Variants in CC2D1B observed in about 807,000 individuals in gnomAD.
CC2D1B encodes coiled-coil and C2 domain-containing protein 1B.
CC2D1B carries 92 observed loss-of-function variants against 110.8 expected under a neutral mutation model. The observed-to-expected ratio is 0.83, with a 90% CI of 0.70 to 0.99. The LOEUF is 0.99. Ranked by LOEUF, CC2D1B falls within the 50% of genes least tolerant of loss-of-function variation. The pLI is 0.00. For missense variants in CC2D1B, 1,136 were observed against 1,089.0 expected, an observed-to-expected ratio of 1.04 and a Z score of -0.61; for synonymous variants, 406 against 429.2, an observed-to-expected ratio of 0.95 and a Z score of 0.67.
At chr1:52,353,804 T>G (rs1569820995) in intron 23 of CC2D1B, 157 bp from the exon 24 acceptor site, 2 of 574,770 alleles carry the variant, frequency 3.5e-6, no homozygotes, top group East Asian at 3.0e-5. Context: ...TCCCAGTATT[T>G]GGAGGAGGAG....
Position 52,355,450 on chromosome 1 carries a change from C to G in CC2D1B, c.2188-1G>C. The G allele has an allele frequency of 6.2e-7, 1 of 1,614,150 alleles. No homozygotes were observed. The highest frequency in any genetic ancestry group is 1.1e-5 in the South Asian group (1 of 91,080). ...CTGTTTTGCTTTTTTGAGCCTGGTC[C>G]TAAGCAGTGAGGAGGGAGAAGTCAG... On this transcript the variant is annotated splice_acceptor_variant, in intron 20 of 24. Transcript: ENST00000284376. LOFTEE classifies it high-confidence loss of function.
chr1:52,356,961 G>C (rs1484975906), intron 16 of CC2D1B, 40 bp downstream of exon 16: 1 of 1,534,798 alleles, frequency 6.5e-7, no homozygotes, highest in East Asian at 2.5e-5. Context: ...CGGGGAGGCT[G>C]TGGGCACAGA....
chr1:52,355,719 C>A, intron 19 of CC2D1B, 52 bp downstream of exon 19: 1 of 1,613,760 alleles, frequency 6.2e-7, no homozygotes, highest in African/African-American at 1.3e-5. Flanking sequence ...GAGCCTAGCA[C>A]TTGGAGTGTC....
intron 1 of CC2D1B, among the ~76,000 whole-genome samples, chr1:52,365,660 G>C (rs1465537091): frequency 2.6e-5 from 4 of 152,242 alleles, no homozygotes; most frequent in African/African-American, 9.6e-5. Flanking sequence ...GATCGTATCG[G>C]TGTTTCAGAA....
chr1:52,357,741 C>CGG (rs780484446), intron 14 of CC2D1B, 40 bp downstream of exon 14: 4 of 1,606,422 alleles, frequency 2.5e-6, no homozygotes, highest in Non-Finnish European at 3.4e-6. Context: ...CCTGCCCTCT[C>CGG]TAGGCCCTCA....
chr1:52,355,146 A>G (rs1207622789), intron 21 of CC2D1B, among the ~76,000 whole-genome samples: 1 of 152,222 alleles, frequency 6.6e-6, no homozygotes, highest in Non-Finnish European at 1.5e-5. Context: ...ACAAAGTAGG[A>G]AAGACTTGGA....
In CC2D1B at chr1:52,359,028, T is replaced by A. The variant is rs1290173028; in HGVS notation, c.1256A>T (p.Lys419Met). The change falls in exon 11 of 25, where the codon AAG becomes ATG. Residue 419 changes from lysine (K) to methionine (M), a missense_variant and splice_region_variant. Transcript: ENST00000284376. ...RKARMHERIA[K>M]QYQDAIRAHR... ...GGGGCTGCATAGCCGCGGGCCCACC[T>A]TGGCAATGCGCTCATGCATCCGAGC... 14 of 1,605,616 alleles carry A rather than the reference T, an allele frequency of 8.7e-6. No homozygotes were observed. Among genetic ancestry groups the A allele is most frequent in the Non-Finnish European group, 1.2e-5 (14 of 1,179,648 alleles).
At position 52,362,708 on chromosome 1, in the gene CC2D1B, C is replaced by G. The variant is rs905703464; in HGVS notation, c.108G>C (p.Leu36=). 8 of 1,614,016 alleles carry G rather than the reference C, an allele frequency of 5.0e-6. No individual in the cohort carries two copies. The Admixed American group carries it at 1.0e-4, about 20-fold the overall frequency. ...CATCTTCAGCCTCATCCATGCCCAG[C>G]AGCATGTCCTCAGGGCCAAACTCCA... ...LFMEFGPEDM[L]LGMDEAEDDE... is the part of the protein sequence containing the mutation. The change falls in exon 3 of 25, where the codon CTG becomes CTC. Residue 36 remains leucine, a synonymous_variant. Transcript: ENST00000284376.
intron 18 of CC2D1B, 132 bp downstream of exon 18, chr1:52,356,054 C>T: frequency 1.1e-6 from 1 of 919,990 alleles, no homozygotes. Flanking sequence ...ACCCTGTCGT[C>T]CTCAGCAGCC....
intron 23 of CC2D1B, 128 bp downstream of exon 23, chr1:52,354,480 C>G: frequency 2.3e-6 from 2 of 854,468 alleles, no homozygotes; most frequent in South Asian, 1.3e-5. Context: ...TCCACCTACT[C>G]TAAGCACACT....
Position 52,359,020 on chromosome 1 carries a change from G to C in CC2D1B, c.1257+7C>G. The C allele has an allele frequency of 1.2e-6, 2 of 1,604,584 alleles. No homozygotes were observed. Among genetic ancestry groups the C allele is most frequent in the Non-Finnish European group, 1.7e-6 (2 of 1,179,232 alleles). On this transcript the variant is annotated splice_region_variant and intron_variant, in intron 11 of 24. Coordinates refer to ENST00000284376, the MANE Select transcript of CC2D1B (RefSeq NM_001330585.2). ...CACAGGCAGGGGCTGCATAGCCGCG[G>C]GCCCACCTTGGCAATGCGCTCATGC...
At position 52,359,334 on chromosome 1, in the gene CC2D1B, G is replaced by A; in HGVS notation, c.1042C>T (p.Gln348Ter). 6.2e-7 allele frequency: 1 copy of A among 1,613,462 alleles called. No homozygotes were observed. The highest frequency in any genetic ancestry group is 8.5e-7 in the Non-Finnish European group (1 of 1,179,850). Residue 348 changes from glutamine (Q) to a stop codon, truncating the protein, a stop_gained, in exon 10 of 25, where the codon CAG becomes TAG. Transcript: ENST00000284376. LOFTEE classifies it high-confidence loss of function. ...ATGACTGAGGGTGCTGTGGGAGCCT[G>A]AGAAGCCTGCTGGGGCTTCAGATCT... is the stretch of plus-strand genomic sequence containing the variant. Reference protein sequence around the residue: ...PEDLKPQQASQAPTAPSVIPP... With the variant: ...PEDLKPQQAS
chr1:52,354,406 TCTC>T (rs1270237064), intron 23 of CC2D1B, 199 bp downstream of exon 23: 1 of 702,638 alleles, frequency 1.4e-6, no homozygotes, highest in Admixed American at 2.0e-5. Flanking sequence ...GAGGCTGCCT[TCTC>T]CTGGGTCCCT....
At chr1:52,353,445 C>T in intron 24 of CC2D1B, 73 bp downstream of exon 24, 1 of 1,538,532 alleles carries the variant, frequency 6.5e-7, no homozygotes, top group East Asian at 2.3e-5. Flanking sequence ...GGTTTTCTCT[C>T]CAGATATGAG....
At position 52,357,791 on chromosome 1, in the gene CC2D1B, C is replaced by T. The variant is rs375689278; in HGVS notation, c.1569G>A (p.Pro523=). The change falls in exon 14 of 25, where the codon CCG becomes CCA. Residue 523 remains proline (P), a synonymous_variant. Coordinates refer to ENST00000284376, the MANE Select transcript of CC2D1B (RefSeq NM_001330585.2). ...EPRASSSKES[P]SPSVREQLAL... Reference sequence around the variant, plus strand: ...TTGTCCCCAACTCACCAGATGGACTCGGTGACTCCTTAGAACTTGAGGCCC... The same window carrying T: ...TTGTCCCCAACTCACCAGATGGACTTGGTGACTCCTTAGAACTTGAGGCCC... The T allele has an allele frequency of 7.7e-5, 123 of 1,591,334 alleles. No individual in the cohort carries two copies. Among genetic ancestry groups the T allele is most frequent in the Non-Finnish European group, 6.6e-5 (77 of 1,168,060 alleles).
chr1:52,352,915 G>A lies in CC2D1B; in HGVS notation c.*310C>T, dbSNP rs1009000844. 4.6e-5 allele frequency: 11 copies of A among 240,240 alleles called. No homozygotes were observed. The highest frequency in any genetic ancestry group is 1.5e-4 in the Admixed American group (3 of 19,782). The allele number at this position is 240,240 out of a possible 1,614,324, so 14.9% of individuals were successfully genotyped here. On this transcript the variant is annotated 3_prime_UTR_variant, in exon 25 of 25. Transcript: ENST00000284376. ...GGGGTAAGCTGTACACAGTTGCCAC[G>A]CAGGGGTTAAGGGGCTGCAGGACTC...
Position 52,353,069 on chromosome 1 carries a change from A to G in CC2D1B, c.*156T>C. ...CCCAGAGGGGCCAACAACAGGAAAG[A>G]CCAGAGTCGTGGTCAGTAGTGCACA... On this transcript the variant is annotated 3_prime_UTR_variant, in exon 25 of 25. Coordinates refer to ENST00000284376, the MANE Select transcript of CC2D1B (RefSeq NM_001330585.2). 1.4e-6 allele frequency: 1 copy of G among 714,546 alleles called. No individual in the cohort carries two copies. The allele number at this position is 714,546 out of a possible 1,614,324, so 44.3% of individuals were successfully genotyped here.
Position 52,358,707 on chromosome 1 carries a change from C to T in CC2D1B, c.1309G>A (p.Ala437Thr). 6.2e-7 allele frequency: 1 copy of T among 1,613,282 alleles called. No homozygotes were observed. The highest frequency in any genetic ancestry group is 8.5e-7 in the Non-Finnish European group (1 of 1,179,778). Residue 437 changes from alanine to threonine, a missense_variant, in exon 12 of 25, where the codon GCT becomes ACT. By Grantham distance (58) the Ala-to-Thr change is moderately conservative. Transcript: ENST00000284376. ...AHRAGRKVNF[A>T]ELPVPPGFPP... is the part of the protein sequence containing the mutation. Reference sequence around the variant, plus strand: ...TTACCTGGAGGAACAGGCAATTCAGCAAAGTTGACTTTCCGTCCTGCTCGG... The same window carrying T: ...TTACCTGGAGGAACAGGCAATTCAGTAAAGTTGACTTTCCGTCCTGCTCGG...
chr1:52,353,354 G>C (rs1646567504), intron 24 of CC2D1B, 131 bp from the exon 25 acceptor site: 2 of 1,501,290 alleles, frequency 1.3e-6, no homozygotes, highest in Admixed American at 4.8e-5. Flanking sequence ...TCTCTTCCCA[G>C]TTCTACTGAG....
Sources: gnomAD v4.1 joint callset for allele counts (sites outside exome capture counted in the v4.1 genomes callset) on GRCh38, gnomAD v4.1.1 for gene constraint, MANE v1.5 for transcripts, NCBI Gene and HGNC (gene_info 2026-07-23, HGNC 2026-07-21) for gene names.